The following PTPRN2 variants were observed in gnomAD, a reference collection of about 807,000 sequenced individuals.
PTPRN2 encodes the protein protein tyrosine phosphatase receptor type N2, also known as receptor-type tyrosine-protein phosphatase N2.
PTPRN2 carries 74 observed loss-of-function variants against 118.8 expected under a neutral mutation model. The ratio of observed to expected loss-of-function variants is 0.62; its 90% CI spans 0.52 to 0.76. The LOEUF (loss-of-function observed/expected upper bound fraction) is 0.76, where lower values mean the gene tolerates loss of function less well. Ranked by LOEUF, PTPRN2 falls within the 30% of genes least tolerant of loss-of-function variation. PTPRN2 has a pLI of 0.00. For missense variants in PTPRN2, 1,481 were observed against 1,394.4 expected, an observed-to-expected ratio of 1.06 and a Z score of -0.99; for synonymous variants, 641 against 608.0, an observed-to-expected ratio of 1.05 and a Z score of -0.80.
At chr7:158,429,845 T>C (rs1816023804) in intron 2 of PTPRN2, among the ~76,000 whole-genome samples, 1 of 152,166 alleles carries the variant, frequency 6.6e-6, no homozygotes, top group South Asian at 2.1e-4. Context: ...CAAACAAAAG[T>C]GATCATTTAA....
intron 11 of PTPRN2, among the ~76,000 whole-genome samples, chr7:157,982,846 TGAG>T (rs1272548110): frequency 1.3e-5 from 1 of 76,426 alleles, no homozygotes; most frequent in African/African-American, 5.1e-5. Context: ...GTCACAGAGA[TGAG>T]GAGGGGAATG....
chr7:157,884,152 A>G (rs1563206517), intron 12 of PTPRN2, among the ~76,000 whole-genome samples: 1 of 152,006 alleles, frequency 6.6e-6, no homozygotes, highest in East Asian at 1.9e-4. Flanking sequence ...AGAACAGAAC[A>G]TACCACCCCA....
chr7:157,622,799 C>T lies in PTPRN2; in HGVS notation c.2197-1290G>A, dbSNP rs907304183. On this transcript the variant is annotated intron_variant, in intron 14 of 22. Coordinates refer to ENST00000389418, the MANE Select transcript of PTPRN2 (RefSeq NM_002847.5). This position sits in a 1 kb window ranked among gnomAD's most constrained non-coding sequence, Gnocchi z 5.3. ...CCCAGGTTGTCACTGTCACCCCCAC[C>T]ATGGCCCTGCTTGAGCTAGTTGGGA... Among the ~76,000 whole-genome samples the T allele has an allele frequency of 2.6e-4, 39 of 152,202 alleles. No homozygotes were observed. The highest frequency in any genetic ancestry group is 2.4e-3 in the Admixed American group (37 of 15,288).
chr7:158,483,836 C>T (rs567149000), intron 2 of PTPRN2, among the ~76,000 whole-genome samples: 1 of 152,144 alleles, frequency 6.6e-6, no homozygotes, highest in Non-Finnish European at 1.5e-5. Context: ...CATAACTCAG[C>T]CTTTTAAAGT....
intron 12 of PTPRN2, among the ~76,000 whole-genome samples, chr7:157,736,601 C>T (rs1322150878): frequency 6.6e-6 from 1 of 150,974 alleles, no homozygotes; most frequent in Non-Finnish European, 1.5e-5. Context: ...TGAGAACAGA[C>T]GTGTCCTGCA....
intron 3 of PTPRN2, among the ~76,000 whole-genome samples, chr7:158,244,269 T>C (rs1317193731): frequency 3.3e-5 from 5 of 152,074 alleles, no homozygotes; most frequent in Non-Finnish European, 7.4e-5. Flanking sequence ...TTCCCATTAA[T>C]GCTTCAGAGG....
intron 2 of PTPRN2, among the ~76,000 whole-genome samples, chr7:158,371,837 T>C (rs1260913357): frequency 6.6e-6 from 1 of 152,198 alleles, no homozygotes; most frequent in Non-Finnish European, 1.5e-5. Flanking sequence ...ATAAAACAGA[T>C]AACGTGACAT....
At chr7:158,303,379 A>G (rs960670264) in intron 3 of PTPRN2, among the ~76,000 whole-genome samples, 15 of 152,290 alleles carry the variant, frequency 9.8e-5, no homozygotes, top group African/African-American at 3.6e-4. Flanking sequence ...AAAGAGATGT[A>G]ACTTCCCTAC....
At chr7:157,549,703 G>C (rs750059233) in intron 21 of PTPRN2, among the ~76,000 whole-genome samples, 1 of 152,122 alleles carries the variant, frequency 6.6e-6, no homozygotes, top group Non-Finnish European at 1.5e-5. Flanking sequence ...TTTCCATTTT[G>C]CTAGGTTCTT....
At position 157,609,415 on chromosome 7, in the gene PTPRN2, G is replaced by T. The variant is rs921638977; in HGVS notation, c.2345-5340C>A. 4.6e-5 allele frequency among the ~76,000 whole-genome samples: 7 copies of T among 152,038 alleles called. No individual in the cohort carries two copies. The highest frequency in any genetic ancestry group is 1.7e-4 in the African/African-American group (7 of 41,394). On this transcript the variant is annotated intron_variant, in intron 15 of 22. Transcript: ENST00000389418. This position sits in a 1 kb window ranked among gnomAD's most constrained non-coding sequence, Gnocchi z 4.9. ...ATTTTTTTTTAAATATAAAAAAAAAGAGTATTTCAAATTTCTCAGATGTTC... is the reference window on the plus strand; with the variant it reads ...ATTTTTTTTTAAATATAAAAAAAAATAGTATTTCAAATTTCTCAGATGTTC...
chr7:157,776,410 C>CCTT (rs1803259359), intron 12 of PTPRN2, among the ~76,000 whole-genome samples: 1 of 46,924 alleles, frequency 2.1e-5, no homozygotes, highest in Non-Finnish European at 4.7e-5. Context: ...TCCTCCTCCT[C>CCTT]CTCCTCTTCC....
intron 11 of PTPRN2, among the ~76,000 whole-genome samples, chr7:158,058,874 C>A (rs182326427): frequency 4.3e-5 from 5 of 116,540 alleles, no homozygotes; most frequent in South Asian, 3.1e-4. Flanking sequence ...CTCCATCTGC[C>A]CACAGTGAGA....
intron 3 of PTPRN2, among the ~76,000 whole-genome samples, chr7:158,268,787 A>G: frequency 8.1e-6 from 1 of 123,774 alleles, no homozygotes; most frequent in African/African-American, 3.3e-5. Context: ...AGCCGCACAC[A>G]CACAGGGCGG....
At chr7:157,654,742 G>A (rs1397003960) in intron 14 of PTPRN2, among the ~76,000 whole-genome samples, 1 of 152,214 alleles carries the variant, frequency 6.6e-6, no homozygotes, top group Non-Finnish European at 1.5e-5. Flanking sequence ...ACAATTCTCT[G>A]AGAAATACAG....
intron 11 of PTPRN2, among the ~76,000 whole-genome samples, chr7:157,965,484 G>T (rs918417117): frequency 6.6e-6 from 1 of 152,032 alleles, no homozygotes; most frequent in Admixed American, 6.5e-5. Context: ...GTGAAGCAAG[G>T]TTCAAATCAA....
chr7:158,380,776 C>G (rs1287475967), intron 2 of PTPRN2, among the ~76,000 whole-genome samples: 1 of 152,242 alleles, frequency 6.6e-6, no homozygotes, highest in Non-Finnish European at 1.5e-5. Context: ...CATGAGGGCC[C>G]CACCCCTGGA....
intron 2 of PTPRN2, among the ~76,000 whole-genome samples, chr7:158,441,604 GTGA>G (rs1309807176): frequency 6.6e-6 from 1 of 151,208 alleles, no homozygotes; most frequent in Non-Finnish European, 1.5e-5. Flanking sequence ...GATAGTGATG[GTGA>G]TGGCAGTGGT....
chr7:157,741,053 G>A (rs188918502), intron 12 of PTPRN2, among the ~76,000 whole-genome samples: 2 of 152,150 alleles, frequency 1.3e-5, no homozygotes, highest in African/African-American at 4.8e-5. Context: ...ACAAGGGAAG[G>A]GGGGAGATGA....
rs372529610 is a variant in PTPRN2, at chr7:158,229,437, G to T, written c.278-24164C>A. 9.2e-5 allele frequency among the ~76,000 whole-genome samples: 14 copies of T among 152,226 alleles called. No individual in the cohort carries two copies. In the East Asian group the frequency reaches 1.5e-3, roughly 17 times the overall value. ...ATTGGCCCTAATAAGATGGCAATATGTGAGTTCTCGGACCAAGAATTCAAA... is the reference window on the plus strand; with the variant it reads ...ATTGGCCCTAATAAGATGGCAATATTTGAGTTCTCGGACCAAGAATTCAAA... On this transcript the variant is annotated intron_variant, in intron 3 of 22. Transcript: ENST00000389418.
Sources: allele counts gnomAD v4.1 joint callset (sites outside exome capture counted in the v4.1 genomes callset), GRCh38; gene constraint gnomAD v4.1.1; non-coding constraint Gnocchi (gnomAD v3.1); transcripts MANE v1.5; gene names NCBI Gene and HGNC (gene_info 2026-07-23, HGNC 2026-07-21).